Variants in ARPIN observed in about 807,000 individuals in gnomAD.
ARPIN encodes the protein UPF0552 protein C15orf38.
In ARPIN, 23 loss-of-function variants were observed where a neutral mutation model predicts 25.9. The ratio of observed to expected loss-of-function variants is 0.89; its 90% confidence interval spans 0.64 to 1.26. ARPIN has a LOEUF of 1.26. Ranked by LOEUF, ARPIN falls within the 50% of genes most tolerant of loss-of-function variation. ARPIN has a pLI of 0.00. For missense variants in ARPIN, 333 were observed against 312.2 expected, an observed-to-expected ratio of 1.07 and a Z score of -0.50; for synonymous variants, 126 against 131.4, an observed-to-expected ratio of 0.96 and a Z score of 0.28.
At chr15:89,906,129 C>G (rs1897116523) in intron 3 of ARPIN, among the ~76,000 whole-genome samples, 1 of 152,164 alleles carries the variant, frequency 6.6e-6, no homozygotes, top group African/African-American at 2.4e-5. Context: ...ACTGACAGGT[C>G]CTTAATCCTG....
At chr15:89,902,007 A>G (rs1897029718) in intron 5 of ARPIN, among the ~76,000 whole-genome samples, 1 of 152,108 alleles carries the variant, frequency 6.6e-6, no homozygotes, top group Non-Finnish European at 1.5e-5. Flanking sequence ...TGAAGACAAA[A>G]AGGAATCCAG....
chr15:89,901,676 G>A lies in ARPIN; in HGVS notation c.*119C>T, dbSNP rs1897023242. ...CAAAGAGTATTCCAAGGTGGCTATG[G>A]GGAAGAACCAGGTAAGACTTGGCAG... On this transcript the variant is annotated 3_prime_UTR_variant, in exon 6 of 6. Transcript: ENST00000357484. 1 of 1,250,506 alleles carries A rather than the reference G, an allele frequency of 8.0e-7. No homozygotes were observed. Among genetic ancestry groups the A allele is most frequent in the East Asian group, 2.4e-5 (1 of 41,216 alleles). 77.5% of individuals were successfully genotyped at this position (1,250,506 alleles called of 1,614,324 possible).
At position 89,898,613 on chromosome 15, in the gene ARPIN, A is replaced by G. The variant is rs1033844762; in HGVS notation, c.*3182T>C. 6.6e-6 allele frequency: 1 copy of G among 152,218 alleles called. No individual in the cohort carries two copies. The highest frequency in any genetic ancestry group is 1.5e-5 in the Non-Finnish European group (1 of 68,034). The allele number at this position is 152,218 out of a possible 1,614,324, so 9.4% of individuals were successfully genotyped here. On this transcript the variant is annotated 3_prime_UTR_variant, in exon 6 of 6. Transcript: ENST00000357484. Reference sequence around the variant, plus strand: ...ACCACCACTTTTTGTTTCTAGCCCTATTAACAACCTGTGGAAGATCCCTCA... The same window carrying G: ...ACCACCACTTTTTGTTTCTAGCCCTGTTAACAACCTGTGGAAGATCCCTCA...
chr15:89,901,874 C>A (rs1897027277), intron 5 of ARPIN, 71 bp from the exon 6 acceptor site: 2 of 1,576,030 alleles, frequency 1.3e-6, no homozygotes, highest in Admixed American at 3.4e-5. Flanking sequence ...AGTTATCAGA[C>A]AAACAAGGGT....
In ARPIN at chr15:89,896,066, T is replaced by C. The variant is rs897355491; in HGVS notation, c.*5729A>G. 6.6e-6 allele frequency: 1 copy of C among 152,248 alleles called. No homozygotes were observed. Among genetic ancestry groups the C allele is most frequent in the African/African-American group, 2.4e-5 (1 of 41,438 alleles). 9.4% of individuals were successfully genotyped at this position (152,248 alleles called of 1,614,324 possible). A position where few individuals can be genotyped will look rare whatever the true frequency, so the allele number is the denominator to read the frequency against. Reference sequence around the variant, plus strand: ...ACCATGCCCAGCAAATTTTTGTATTTTTAGTAGAGATGGGGTTTCACCACA... The same window carrying C: ...ACCATGCCCAGCAAATTTTTGTATTCTTAGTAGAGATGGGGTTTCACCACA... On this transcript the variant is annotated 3_prime_UTR_variant, in exon 6 of 6. Transcript: ENST00000357484.
At chr15:89,911,181 AT>A (rs1231730606) in intron 1 of ARPIN, among the ~76,000 whole-genome samples, 3 of 152,242 alleles carry the variant, frequency 2.0e-5, no homozygotes, top group African/African-American at 7.2e-5. Context: ...CTATTAAGTG[AT>A]TACTAAATAC....
intron 1 of ARPIN, chr15:89,912,145 C>T (rs1897235154): frequency 4.2e-6 from 4 of 958,558 alleles, no homozygotes; most frequent in Non-Finnish European, 5.0e-6. Flanking sequence ...TATGGTTCAA[C>T]GCTTTTATAG....
intron 5 of ARPIN, among the ~76,000 whole-genome samples, chr15:89,902,548 A>G (rs1473501136): frequency 6.6e-6 from 1 of 151,598 alleles, no homozygotes; most frequent in African/African-American, 2.4e-5. Flanking sequence ...TACAAAAAAT[A>G]AAAAAATTAG....
At position 89,912,726 on chromosome 15, in the gene ARPIN, C is replaced by G; in HGVS notation, c.92+18G>C. On this transcript the variant is annotated intron_variant, in intron 1 of 5. Coordinates refer to ENST00000357484, the MANE Select transcript of ARPIN (RefSeq NM_182616.4). ...CGGGGCAGGGGAGGCCGACCCGAGG[C>G]CGTGAGCCCAGGCCTACCCCTGGTG... 7.3e-7 allele frequency: 1 copy of G among 1,379,210 alleles called. No homozygotes were observed. Among genetic ancestry groups the G allele is most frequent in the Non-Finnish European group, 9.3e-7 (1 of 1,071,016 alleles). The allele number at this position is 1,379,210 out of a possible 1,614,324, so 85.4% of individuals were successfully genotyped here. A position where few individuals can be genotyped will look rare whatever the true frequency, so the allele number is the denominator to read the frequency against.
intron 1 of ARPIN, 81 bp downstream of exon 1, chr15:89,912,663 T>TTGGGGGG: frequency 3.4e-6 from 3 of 871,062 alleles, no homozygotes; most frequent in Non-Finnish European, 4.2e-6. Context: ...CCCACCCGCA[T>TTGGGGGG]CCCACCCCCC....
chr15:89,910,743 C>A lies in ARPIN; in HGVS notation c.168+1G>T, dbSNP rs776072631. The A allele has an allele frequency of 1.2e-6, 2 of 1,614,144 alleles. No individual in the cohort carries two copies. The highest frequency in any genetic ancestry group is 1.7e-6 in the Non-Finnish European group (2 of 1,179,988). On this transcript the variant is annotated splice_donor_variant, in intron 2 of 5. Transcript: ENST00000357484. LOFTEE classifies it high-confidence loss of function. ...AGCTAGCACCGAGGAAGCATCCTCACCTTCCTGCCATGAGTGTCCAAGATG... is the reference window on the plus strand; with the variant it reads ...AGCTAGCACCGAGGAAGCATCCTCAACTTCCTGCCATGAGTGTCCAAGATG...
At position 89,903,467 on chromosome 15, in the gene ARPIN, C is replaced by A. The variant is rs368993820; in HGVS notation, c.509-88G>T. The A allele has an allele frequency of 7.0e-5, 110 of 1,578,318 alleles. 3 individuals carry two copies. The highest frequency in any genetic ancestry group is 4.2e-4 in the East Asian group (19 of 44,752). On this transcript the variant is annotated intron_variant, in intron 4 of 5. Transcript: ENST00000357484. ...GCCCATTATGGTGGGGTCCCCTAGG[C>A]CTGGGTTAAACCACTGTTTTCTCCA...
At chr15:89,906,410 C>T (rs1179047654) in intron 3 of ARPIN, among the ~76,000 whole-genome samples, 1 of 152,176 alleles carries the variant, frequency 6.6e-6, no homozygotes, top group African/African-American at 2.4e-5. Flanking sequence ...CTCTCTGAAA[C>T]ACCCTGCAAA....
chr15:89,897,671 A>C lies in ARPIN; in HGVS notation c.*4124T>G, dbSNP rs769868292. The C allele has an allele frequency of 1.3e-5, 2 of 152,242 alleles. No individual in the cohort carries two copies. Among genetic ancestry groups the C allele is most frequent in the African/African-American group, 2.4e-5 (1 of 41,472 alleles). 9.4% of individuals were successfully genotyped at this position (152,242 alleles called of 1,614,324 possible). On this transcript the variant is annotated 3_prime_UTR_variant, in exon 6 of 6. Transcript: ENST00000357484. Reference sequence around the variant, plus strand: ...TTACAAAAACCAAAACTATGTACACAAATTACATGCTAAAAAACCCAAATA... The same window carrying C: ...TTACAAAAACCAAAACTATGTACACCAATTACATGCTAAAAAACCCAAATA...
intron 2 of ARPIN, among the ~76,000 whole-genome samples, chr15:89,909,075 G>C (rs1897179169): frequency 6.6e-6 from 1 of 152,184 alleles, no homozygotes; most frequent in Non-Finnish European, 1.5e-5. Context: ...AGGTGCAATG[G>C]AAAGGGCACT....
In ARPIN at chr15:89,912,937, C is replaced by T. The variant is rs1351805942; in HGVS notation, c.-102G>A. On this transcript the variant is annotated 5_prime_UTR_variant, in exon 1 of 6. Coordinates refer to ENST00000357484, the MANE Select transcript of ARPIN (RefSeq NM_182616.4). ...CGCGCGGGGACCCGCGATTCCCAGCCGGCGGATCCGGGAATGGCGCGGCCC... is the reference window on the plus strand; with the variant it reads ...CGCGCGGGGACCCGCGATTCCCAGCTGGCGGATCCGGGAATGGCGCGGCCC... 2.2e-6 allele frequency: 3 copies of T among 1,367,106 alleles called. No individual in the cohort carries two copies. Among genetic ancestry groups the T allele is most frequent in the East Asian group, 6.1e-5 (2 of 32,982 alleles). The allele number at this position is 1,367,106 out of a possible 1,614,324, so 84.7% of individuals were successfully genotyped here.
At chr15:89,904,295 T>C (rs1440216244) in intron 3 of ARPIN, among the ~76,000 whole-genome samples, 2 of 152,086 alleles carry the variant, frequency 1.3e-5, no homozygotes, top group Non-Finnish European at 2.9e-5. Flanking sequence ...ATAAAGGAAA[T>C]AAAGCATGTA....
At chr15:89,903,429 TAGTG>T in intron 4 of ARPIN, 50 bp from the exon 5 acceptor site, 2 of 1,609,566 alleles carry the variant, frequency 1.2e-6, no homozygotes, top group South Asian at 1.1e-5. Flanking sequence ...GGCAGAAACA[TAGTG>T]AGGGCTGGGC....
At chr15:89,912,659 C>CCCCTT in intron 1 of ARPIN, 85 bp downstream of exon 1, 2 of 1,161,516 alleles carry the variant, frequency 1.7e-6, no homozygotes, top group Non-Finnish European at 2.1e-6. Context: ...TTCCCCCACC[C>CCCCTT]GCATCCCACC....
Sources: allele counts gnomAD v4.1 joint callset (sites outside exome capture counted in the v4.1 genomes callset), GRCh38; gene constraint gnomAD v4.1.1; transcripts MANE v1.5; gene names NCBI Gene and HGNC (gene_info 2026-07-23, HGNC 2026-07-21).